The following RSRP1 variants were observed in gnomAD, a reference collection of about 807,000 sequenced individuals.
RSRP1 encodes arginine and serine rich protein 1.
RSRP1 carries 37 observed loss-of-function variants against 33.0 expected under a neutral mutation model. That is an observed-to-expected ratio of 1.12 (90% CI 0.86 to 1.48). The LOEUF (loss-of-function observed/expected upper bound fraction) is 1.48, where lower values mean the gene tolerates loss of function less well. Ranked by LOEUF, RSRP1 falls within the 40% of genes most tolerant of loss-of-function variation. The pLI is 0.00. For synonymous variants in RSRP1, 167 were observed against 158.7 expected, an observed-to-expected ratio of 1.05 and a Z score of -0.40; for missense variants, 402 against 385.3, an observed-to-expected ratio of 1.04 and a Z score of -0.36.
chr1:25,249,318 T>C (rs1487505187), upstream of RSRP1, among the ~76,000 whole-genome samples: 2 of 152,112 alleles, frequency 1.3e-5, no homozygotes, highest in African/African-American at 2.4e-5. Context: ...AATGTGTGCC[T>C]AAAAAATGGT....
At chr1:25,245,375 A>C in intron 2 of RSRP1, 74 bp from the exon 3 acceptor site, 1 of 1,477,814 alleles carries the variant, frequency 6.8e-7, no homozygotes, top group Non-Finnish European at 9.2e-7. Context: ...TCAGAATTAC[A>C]CAATAAATAT....
chr1:25,288,519 G>A (rs1186861550), intron 1 of RSRP1, among the ~76,000 whole-genome samples: 2 of 125,842 alleles, frequency 1.6e-5, no homozygotes, highest in African/African-American at 5.4e-5. Context: ...GAAATCTGCA[G>A]GACTCTCCCT....
In RSRP1 at chr1:25,315,500, TC is replaced by T. The variant is rs201250587; in HGVS notation, c.-67+22477del. On this transcript the variant is annotated intron_variant, in intron 1 of 1. Transcript: ENST00000561867. ...TTAATTTATTTTTCTTTTCTTTCTT[TC>T]TTTTTTTTTTTTTGAGATGGAGTCT... 2.3e-4 allele frequency among the ~76,000 whole-genome samples: 28 copies of T among 121,804 alleles called. 4 individuals are homozygous for T. Among genetic ancestry groups the T allele is most frequent in the African/African-American group, 7.0e-4 (23 of 32,952 alleles). 79.9% of individuals were successfully genotyped at this position (121,804 alleles called of 152,430 possible).
rs1355008502 is a variant in RSRP1 at position 25,279,599 on chromosome 1, C to G, written c.-66-32570G>C. Reference sequence around the variant, plus strand: ...CATCTCTAAAATGGGGATAATAAATCGTACCTCCTACCTGAGGCTGTTGTG... The same window carrying G: ...CATCTCTAAAATGGGGATAATAAATGGTACCTCCTACCTGAGGCTGTTGTG... On this transcript the variant is annotated intron_variant, in intron 1 of 1. Coordinates refer to the RSRP1 transcript ENST00000561867. Among the ~76,000 whole-genome samples the G allele has an allele frequency of 1.6e-5, 2 of 127,946 alleles. 1 individual carries two copies. Among genetic ancestry groups the G allele is most frequent in the Admixed American group, 1.5e-4 (2 of 13,174 alleles). The allele number at this position is 127,946 out of a possible 152,430, so 83.9% of individuals were successfully genotyped here.
rs1262204878 is a variant in RSRP1 at position 25,311,347 on chromosome 1, C to T, written c.-67+26631G>A. Among the ~76,000 whole-genome samples, 13 of 130,694 alleles carry T rather than the reference C, an allele frequency of 9.9e-5. 3 individuals carry two copies. Among genetic ancestry groups the T allele is most frequent in the Non-Finnish European group, 1.6e-4 (9 of 55,234 alleles). The allele number at this position is 130,694 out of a possible 152,430, so 85.7% of individuals were successfully genotyped here. On this transcript the variant is annotated intron_variant, in intron 1 of 1. Coordinates refer to the RSRP1 transcript ENST00000561867. ...AACACTGAGAGTGTGACACAACTAC[C>T]GACTGATAAGAAAACTAGTACACAT...
rs1407117481 is a variant in RSRP1, at chr1:25,293,452, T to C, written c.-67+44526A>G. On this transcript the variant is annotated intron_variant, in intron 1 of 1. Coordinates refer to the RSRP1 transcript ENST00000561867. Reference sequence around the variant, plus strand: ...TTGTGCGGAAATAACAATTTATTACTTATAGTTTTATATTTGTGGACAGAT... The same window carrying C: ...TTGTGCGGAAATAACAATTTATTACCTATAGTTTTATATTTGTGGACAGAT... Among the ~76,000 whole-genome samples the C allele has an allele frequency of 3.0e-5, 4 of 131,208 alleles. 2 individuals carry two copies. Among genetic ancestry groups the C allele is most frequent in the African/African-American group, 5.2e-5 (2 of 38,484 alleles). 86.1% of individuals were successfully genotyped at this position (131,208 alleles called of 152,430 possible).
At position 25,321,013 on chromosome 1, in the gene RSRP1, C is replaced by T. The variant is rs562502249; in HGVS notation, c.-67+16965G>A. Among the ~76,000 whole-genome samples the T allele has an allele frequency of 6.9e-5, 9 of 131,268 alleles. 1 individual carries two copies. The East Asian group carries it at 1.8e-3, about 26-fold the overall frequency. 86.1% of individuals were successfully genotyped at this position (131,268 alleles called of 152,430 possible). A position where few individuals can be genotyped will look rare whatever the true frequency, so the allele number is the denominator to read the frequency against. On this transcript the variant is annotated intron_variant, in intron 1 of 1. Transcript: ENST00000561867. ...GAGCTGTGATTGTGCCACTGCACTCCAGCCTGGATAACAGAATGAGACTCT... is the reference window on the plus strand; with the variant it reads ...GAGCTGTGATTGTGCCACTGCACTCTAGCCTGGATAACAGAATGAGACTCT...
intron 3 of RSRP1, 49 bp from the exon 4 acceptor site, chr1:25,243,682 T>G (rs753349647): frequency 6.2e-7 from 1 of 1,601,312 alleles, no homozygotes; most frequent in Non-Finnish European, 8.5e-7. Flanking sequence ...ACCCTTGGTT[T>G]CTAAATCCTA....
chr1:25,309,757 C>G lies in RSRP1; in HGVS notation c.-67+28221G>C, dbSNP rs545636274. Among the ~76,000 whole-genome samples, 25 of 131,566 alleles carry G rather than the reference C, an allele frequency of 1.9e-4. 5 individuals carry two copies. The South Asian group carries it at 5.3e-3, about 28-fold the overall frequency. 86.3% of individuals were successfully genotyped at this position (131,566 alleles called of 152,430 possible). A position where few individuals can be genotyped will look rare whatever the true frequency, so the allele number is the denominator to read the frequency against. On this transcript the variant is annotated intron_variant, in intron 1 of 1. Coordinates refer to the RSRP1 transcript ENST00000561867. ...TTCACTTCCCTAACCTGAACTTGCC[C>G]TCTGTGAAATAGGGACACTAATAGC... is the stretch of plus-strand genomic sequence containing the variant.
intron 1 of RSRP1, among the ~76,000 whole-genome samples, chr1:25,269,141 G>A (rs1640418040): frequency 7.6e-6 from 1 of 131,774 alleles, no homozygotes; most frequent in Admixed American, 7.4e-5. Context: ...TCTAACCTAC[G>A]GAACATCATA....
chr1:25,279,840 G>A (rs1399064291), intron 1 of RSRP1, among the ~76,000 whole-genome samples: 3 of 130,492 alleles, frequency 2.3e-5, no homozygotes, highest in African/African-American at 5.4e-5. Context: ...ATGGGCGCCC[G>A]GGTAGCACAT....
At chr1:25,267,083 G>A (rs1640332277) in intron 1 of RSRP1, 1 of 100,740 alleles carries the variant, frequency 9.9e-6, no homozygotes, top group South Asian at 3.0e-4. Context: ...CCAAACTGAC[G>A]GCTTCTAGAA....
intron 1 of RSRP1, among the ~76,000 whole-genome samples, chr1:25,262,499 A>C (rs1571543896): frequency 6.6e-6 from 1 of 152,242 alleles, no homozygotes; most frequent in Admixed American, 6.5e-5. Flanking sequence ...AATCGGATAC[A>C]TAGATATATA....
rs1384456472 is a variant in RSRP1 at position 25,309,484 on chromosome 1, A to C, written c.-67+28494T>G. 1.5e-5 allele frequency among the ~76,000 whole-genome samples: 2 copies of C among 131,524 alleles called. 1 individual carries two copies. The highest frequency in any genetic ancestry group is 3.6e-5 in the Non-Finnish European group (2 of 55,938). 86.3% of individuals were successfully genotyped at this position (131,524 alleles called of 152,430 possible). A position where few individuals can be genotyped will look rare whatever the true frequency, so the allele number is the denominator to read the frequency against. ...GTATCTCTTTTTACAGCTACCTCCC[A>C]TTTCCCTTCTATTTCAAGCTAGTAA... On this transcript the variant is annotated intron_variant, in intron 1 of 1. Transcript: ENST00000561867.
rs1358831154 is a variant in RSRP1 at position 25,282,561 on chromosome 1, A to G, written c.-66-35532T>C. 1.5e-5 allele frequency among the ~76,000 whole-genome samples: 2 copies of G among 132,340 alleles called. 1 individual carries two copies. Among genetic ancestry groups the G allele is most frequent in the African/African-American group, 5.2e-5 (2 of 38,808 alleles). The allele number at this position is 132,340 out of a possible 152,430, so 86.8% of individuals were successfully genotyped here. ...TTTAGTGAGGTTTAATCTAATAGGA[A>G]ATGATAGAGCTGGGATCGAACAGAG... On this transcript the variant is annotated intron_variant, in intron 1 of 1. Transcript: ENST00000561867.
chr1:25,278,025 G>T (rs1304567877), intron 1 of RSRP1, among the ~76,000 whole-genome samples: 2 of 130,564 alleles, frequency 1.5e-5, no homozygotes, highest in African/African-American at 5.2e-5. Flanking sequence ...AACTAGAATT[G>T]CTTGTTTTCT....
intron 1 of RSRP1, among the ~76,000 whole-genome samples, chr1:25,278,609 A>G (rs1641218089): frequency 7.6e-6 from 1 of 131,054 alleles, no homozygotes; most frequent in Admixed American, 7.5e-5. Flanking sequence ...TACTGTAACA[A>G]TCGCCTACCA....
upstream of RSRP1, chr1:25,247,715 C>T (rs1639601487): frequency 6.6e-6 from 1 of 152,348 alleles, no homozygotes; most frequent in Non-Finnish European, 1.5e-5. Context: ...GCGGGACCGA[C>T]CCAGTCACCA....
rs1639441234 is a variant in RSRP1, at chr1:25,246,672, A to G, written c.292T>C (p.Tyr98His). Residue 98 changes from tyrosine (Y) to histidine (H), a missense_variant, in exon 2 of 5, where the codon TAC becomes CAC. By Grantham distance (83) the Tyr-to-His change is moderately conservative (BLOSUM62 2). Coordinates refer to ENST00000243189, the MANE Select transcript of RSRP1 (RefSeq NM_020317.5). ...SRSRRYRERR[Y>H]GFTRRYYRSP... ...CGGTAGTATCTCCTGGTGAACCCGT[A>G]GCGCCTCTCTCGGTAACGGCGGCTG... The G allele has an allele frequency of 1.9e-6, 3 of 1,611,620 alleles. No homozygotes were observed. The highest frequency in any genetic ancestry group is 1.7e-6 in the Non-Finnish European group (2 of 1,178,020).
Sources: allele counts gnomAD v4.1 joint callset (sites outside exome capture counted in the v4.1 genomes callset), GRCh38; gene constraint gnomAD v4.1.1; transcripts MANE v1.5; gene names NCBI Gene and HGNC (gene_info 2026-07-23, HGNC 2026-07-21).